Variants in NT5M observed in about 807,000 individuals in gnomAD.
The protein encoded by NT5M is 5',3'-nucleotidase, mitochondrial.
A neutral mutation model predicts 22.2 loss-of-function variants in NT5M; 22 were observed. That is an observed-to-expected ratio of 0.99 (90% CI 0.71 to 1.41). NT5M has a LOEUF of 1.41. NT5M is among the 40% of genes most tolerant of loss of function. The pLI, the probability that NT5M is intolerant of heterozygous loss-of-function variation, is 0.00. For synonymous variants in NT5M, 167 were observed against 133.0 expected (o/e 1.26, Z -1.76); for missense variants, 322 against 314.8 (o/e 1.02, Z -0.17).
At chr17:17,346,676 A>C (rs1429042945) in intron 4 of NT5M, 129 bp from the exon 5 acceptor site, 4 of 1,079,908 alleles carry the variant, frequency 3.7e-6, no homozygotes, top group Non-Finnish European at 5.3e-6. Flanking sequence ...GTGTGCGTGC[A>C]GTCACCCCTT....
At chr17:17,317,119 G>A (rs1412067196) in intron 2 of NT5M, among the ~76,000 whole-genome samples, 3 of 148,556 alleles carry the variant, frequency 2.0e-5, no homozygotes, top group East Asian at 2.0e-4. Context: ...GCATGATCTC[G>A]GCTCACTGCA....
intron 4 of NT5M, chr17:17,345,230 A>G (rs929971348): frequency 8.9e-7 from 1 of 1,127,548 alleles, no homozygotes; most frequent in Non-Finnish European, 1.1e-6. Flanking sequence ...GTTTTTAGCA[A>G]CAAAACCCAT....
chr17:17,315,744 G>GTTTTTTTTTTTT lies in NT5M; in HGVS notation c.369-7434_369-7433insTTTTTTTTTTTT, dbSNP rs1173004367. 8.9e-5 allele frequency among the ~76,000 whole-genome samples: 6 copies of GTTTTTTTTTTTT among 67,712 alleles called. 3 individuals are homozygous for GTTTTTTTTTTTT. The highest frequency in any genetic ancestry group is 3.9e-4 in the Admixed American group (2 of 5,142). The allele number at this position is 67,712 out of a possible 152,430, so 44.4% of individuals were successfully genotyped here. Reference sequence around the variant, plus strand: ...AGAGATTGATGTGATCTAACTTAGGGTTTTTTTGTTTTTTTTTTTTTTTTT... The same window carrying GTTTTTTTTTTTT: ...AGAGATTGATGTGATCTAACTTAGGGTTTTTTTTTTTTTTTTTTTGTTTTTTTTTTTTTTTTT... On this transcript the variant is annotated intron_variant, in intron 2 of 4. Transcript: ENST00000389022.
chr17:17,303,945 C>G, intron 1 of NT5M, 128 bp downstream of exon 1: 1 of 1,282,978 alleles, frequency 7.8e-7, no homozygotes, highest in Non-Finnish European at 9.9e-7. Flanking sequence ...AGAATAGGGT[C>G]TGGGGGGGAC....
intron 3 of NT5M, among the ~76,000 whole-genome samples, chr17:17,339,859 G>A (rs976120791): frequency 7.2e-5 from 11 of 152,126 alleles, no homozygotes; most frequent in Non-Finnish European, 1.3e-4. Flanking sequence ...TTTTTAATGT[G>A]TTGTTGAATT....
At chr17:17,345,878 G>C (rs548382059) in intron 4 of NT5M, among the ~76,000 whole-genome samples, 2 of 152,256 alleles carry the variant, frequency 1.3e-5, no homozygotes, top group African/African-American at 4.8e-5. Flanking sequence ...TAACTGGAAA[G>C]GGGTGAGGAG....
At chr17:17,318,151 G>A (rs1201066412) in intron 2 of NT5M, among the ~76,000 whole-genome samples, 1 of 151,656 alleles carries the variant, frequency 6.6e-6, no homozygotes, top group Non-Finnish European at 1.5e-5. Flanking sequence ...AAAATGTGAC[G>A]TAGCCACACA....
intron 2 of NT5M, 56 bp downstream of exon 2, chr17:17,306,699 G>C: frequency 4.2e-6 from 5 of 1,184,534 alleles, no homozygotes; most frequent in Non-Finnish European, 6.3e-6. Flanking sequence ...ACTGAGCCCT[G>C]TACCTCCTTC....
rs34209605 is a variant in NT5M at position 17,309,675 on chromosome 17, C to CT, written c.368+3052dup. 1.5e-3 allele frequency among the ~76,000 whole-genome samples: 177 copies of CT among 120,998 alleles called. 1 individual carries two copies. The highest frequency in any genetic ancestry group is 2.7e-3 in the African/African-American group (90 of 32,728). 79.4% of individuals were successfully genotyped at this position (120,998 alleles called of 152,430 possible). On this transcript the variant is annotated intron_variant, in intron 2 of 4. Transcript: ENST00000389022. ...CTGATGGCTAATGATGCTCAAGCATCTTTTTTTTTTTTTTTTTTTTGAGAC... is the reference window on the plus strand; with the variant it reads ...CTGATGGCTAATGATGCTCAAGCATCTTTTTTTTTTTTTTTTTTTTTGAGAC...
chr17:17,345,913 G>A (rs751501254), intron 4 of NT5M, among the ~76,000 whole-genome samples: 120 of 152,294 alleles, frequency 7.9e-4, no homozygotes, highest in African/African-American at 2.6e-3. Flanking sequence ...AAATCTAGGC[G>A]TTGAAACTGC....
intron 1 of NT5M, 45 bp downstream of exon 1, chr17:17,303,862 C>A: frequency 3.0e-6 from 4 of 1,335,268 alleles, no homozygotes; most frequent in Non-Finnish European, 3.9e-6. Context: ...CTTCTCGCCC[C>A]GAGCCCCAGA....
At chr17:17,322,515 C>A (rs758742) in intron 2 of NT5M, among the ~76,000 whole-genome samples, 89,023 of 152,050 alleles carry the variant, frequency 0.59, 28,290 homozygotes, top group East Asian at 0.79. Context: ...CCGGGAGTCT[C>A]ACCTCTGCCT....
At chr17:17,318,645 C>A (rs141332660) in intron 2 of NT5M, among the ~76,000 whole-genome samples, 1 of 151,176 alleles carries the variant, frequency 6.6e-6, no homozygotes, top group Non-Finnish European at 1.5e-5. Context: ...ATTAGCTGGA[C>A]GTGGTGGCAC....
rs148715946 is a variant in NT5M at position 17,346,886 on chromosome 17, G to A, written c.626G>A (p.Arg209His). The change falls in exon 5 of 5, where the codon CGC becomes CAC. Residue 209 changes from arginine (R) to histidine (H), a missense_variant. By Grantham distance (29) the Arg-to-His change is conservative (BLOSUM62 0). Coordinates refer to ENST00000389022, the MANE Select transcript of NT5M (RefSeq NM_020201.4). The stretch of plus-strand genomic sequence containing the variant: ...CACCTGCAGCTGCAGCCCCCCCGCC[G>A]CAGGCTGCACTCGTGGGCGGACGAC... ...NQHLQLQPPRRRLHSWADDWK... is the reference protein window; with the variant it reads ...NQHLQLQPPRHRLHSWADDWK... 5.1e-4 allele frequency: 816 copies of A among 1,610,512 alleles called. 2 individuals carry two copies. Among genetic ancestry groups the A allele is most frequent in the Non-Finnish European group, 6.4e-4 (758 of 1,179,928 alleles).
chr17:17,336,123 C>T (rs2049505667), intron 3 of NT5M, among the ~76,000 whole-genome samples: 2 of 151,698 alleles, frequency 1.3e-5, no homozygotes, highest in African/African-American at 2.4e-5. Context: ...CTGCCTCAGC[C>T]TCCTGAGTGG....
At chr17:17,308,342 C>G (rs1162232171) in intron 2 of NT5M, among the ~76,000 whole-genome samples, 1 of 152,042 alleles carries the variant, frequency 6.6e-6, no homozygotes, top group East Asian at 1.9e-4. Flanking sequence ...GCCTACAATC[C>G]CAGCACTTTG....
At chr17:17,310,729 T>A (rs2048905580) in intron 2 of NT5M, among the ~76,000 whole-genome samples, 1 of 134,954 alleles carries the variant, frequency 7.4e-6, no homozygotes, top group Admixed American at 7.9e-5. Flanking sequence ...TCCCAGCTAC[T>A]TGGGAGGCTG....
At chr17:17,336,842 C>A (rs758079909) in intron 3 of NT5M, among the ~76,000 whole-genome samples, 2 of 152,224 alleles carry the variant, frequency 1.3e-5, no homozygotes, top group South Asian at 4.1e-4. Flanking sequence ...TTTTTTATGG[C>A]TGAATAGTAC....
At position 17,303,596 on chromosome 17, in the gene NT5M, G is replaced by C; in HGVS notation, c.46G>C (p.Ala16Pro). 1 of 1,208,492 alleles carries C rather than the reference G, an allele frequency of 8.3e-7. No individual in the cohort carries two copies. Among genetic ancestry groups the C allele is most frequent in the Non-Finnish European group, 1.0e-6 (1 of 968,080 alleles). 74.9% of individuals were successfully genotyped at this position (1,208,492 alleles called of 1,614,324 possible). Reference sequence around the variant, plus strand: ...GTGTGCGCGGCGGCTCTGCAGCGCGGCGGTTCCCGCGGGGCGGCGCGGGGC... The same window carrying C: ...GTGTGCGCGGCGGCTCTGCAGCGCGCCGGTTCCCGCGGGGCGGCGCGGGGC... ...GWCARRLCSA[A>P]VPAGRRGAAG... The change falls in exon 1 of 5, where the codon GCG becomes CCG. Residue 16 changes from alanine to proline, a missense_variant. By Grantham distance (27) the Ala-to-Pro change is conservative. Coordinates refer to ENST00000389022, the MANE Select transcript of NT5M (RefSeq NM_020201.4).
Sources: allele counts gnomAD v4.1 joint callset (sites outside exome capture counted in the v4.1 genomes callset), GRCh38; gene constraint gnomAD v4.1.1; transcripts MANE v1.5; gene names NCBI Gene and HGNC (gene_info 2026-07-23, HGNC 2026-07-21).